RANBP2: variants seen among roughly 807,000 people sequenced by gnomAD.
RANBP2 encodes the protein E3 SUMO-protein ligase RanBP2.
In RANBP2, 57 loss-of-function variants were observed where a neutral mutation model predicts 303.6. The ratio of observed to expected loss-of-function variants is 0.19; its 90% CI spans 0.15 to 0.23. The LOEUF is 0.23. Among genes scored for constraint, RANBP2 ranks in the 10% least tolerant of loss-of-function variants. The pLI is 1.00. For synonymous variants in RANBP2, 1,167 were observed against 1,301.5 expected (o/e 0.90, Z 2.23); for missense variants, 3,138 against 3,780.8 (o/e 0.83, Z 4.46).
At chr2:108,880,050 CATG>C in the RANBP2 span, among the ~76,000 whole-genome samples, 5 of 151,964 alleles carry the variant, frequency 3.3e-5, no homozygotes, top group African/African-American at 1.2e-4. Flanking sequence ...GGAGGCCAGA[CATG>C]ATAAGAAACA....
At chr2:109,602,891 G>C in the RANBP2 span, among the ~76,000 whole-genome samples, 6 of 132,308 alleles carry the variant, frequency 4.5e-5, no homozygotes, top group African/African-American at 1.8e-4. Flanking sequence ...AACATAGGCA[G>C]ACCCTGTCTC....
chr2:108,811,245 C>CTTTTTTTTTTTT, the RANBP2 span, among the ~76,000 whole-genome samples: 99 of 109,604 alleles, frequency 9.0e-4, 19 homozygotes, highest in African/African-American at 2.6e-3. Flanking sequence ...CTTTCTCTCT[C>CTTTTTTTTTTTT]TCTTTTTTTT....
the RANBP2 span, among the ~76,000 whole-genome samples, chr2:109,352,409 G>A: frequency 1.3e-5 from 2 of 152,180 alleles, no homozygotes; most frequent in Non-Finnish European, 2.9e-5. Context: ...TGGGGGTAGC[G>A]GAGCTGAGCC....
the RANBP2 span, among the ~76,000 whole-genome samples, chr2:109,096,499 T>C: frequency 6.6e-6 from 1 of 152,184 alleles, no homozygotes; most frequent in Non-Finnish European, 1.5e-5. Context: ...CCCATTTTGG[T>C]CCTCTTGAGA....
At chr2:109,680,117 A>G in the RANBP2 span, among the ~76,000 whole-genome samples, 3 of 151,718 alleles carry the variant, frequency 2.0e-5, no homozygotes, top group East Asian at 3.9e-4. Context: ...AGGCTGAGGC[A>G]GGCAGATCAC....
At chr2:109,139,333 A>C in the RANBP2 span, among the ~76,000 whole-genome samples, 4 of 151,850 alleles carry the variant, frequency 2.6e-5, no homozygotes, top group African/African-American at 9.7e-5. Flanking sequence ...TACTGAGTTC[A>C]TGATGCCCAT....
the RANBP2 span, chr2:109,490,983 T>C: frequency 7.1e-7 from 1 of 1,399,532 alleles, no homozygotes; most frequent in South Asian, 1.7e-5. Flanking sequence ...TGGTTTGGCC[T>C]CTGAGGTCTG....
intron 15 of RANBP2, among the ~76,000 whole-genome samples, chr2:108,754,636 G>A (rs529217597): frequency 1.4e-4 from 21 of 151,524 alleles, no homozygotes; most frequent in African/African-American, 4.1e-4. Flanking sequence ...GAAAGAGCAT[G>A]GACTTTAGAA....
At chr2:109,255,832 C>T in the RANBP2 span, among the ~76,000 whole-genome samples, 7 of 152,140 alleles carry the variant, frequency 4.6e-5, no homozygotes, top group Non-Finnish European at 7.3e-5. Flanking sequence ...TTTAATAGGC[C>T]GAGTTTTCAG....
the RANBP2 span, among the ~76,000 whole-genome samples, chr2:109,055,097 G>A: frequency 6.6e-6 from 1 of 152,022 alleles, no homozygotes; most frequent in Non-Finnish European, 1.5e-5. Context: ...CTCTGTGTAG[G>A]CATGTGGTAG....
the RANBP2 span, among the ~76,000 whole-genome samples, chr2:109,400,639 C>T: frequency 3.0e-4 from 45 of 152,252 alleles, no homozygotes; most frequent in Admixed American, 2.2e-3. Context: ...CACATACACC[C>T]GTGCACACAT....
At chr2:108,920,754 C>G in the RANBP2 span, among the ~76,000 whole-genome samples, 2 of 152,202 alleles carry the variant, frequency 1.3e-5, no homozygotes, top group Non-Finnish European at 2.9e-5. Context: ...TTCATTTCTC[C>G]TCAGGGTTAT....
chr2:109,068,615 A>C, the RANBP2 span, among the ~76,000 whole-genome samples: 1 of 152,176 alleles, frequency 6.6e-6, no homozygotes, highest in Non-Finnish European at 1.5e-5. Flanking sequence ...TTTTCAGGAA[A>C]GTCTCTGCTT....
At chr2:109,315,752 T>C in the RANBP2 span, among the ~76,000 whole-genome samples, 181 of 152,334 alleles carry the variant, frequency 1.2e-3, no homozygotes, top group African/African-American at 4.1e-3. Context: ...CTGGCTATTG[T>C]GACATTTAGA....
At chr2:108,995,983 A>G in the RANBP2 span, among the ~76,000 whole-genome samples, 92 of 152,370 alleles carry the variant, frequency 6.0e-4, no homozygotes, top group African/African-American at 2.1e-3. Flanking sequence ...GTTTCTCATT[A>G]TGAAAAATTG....
chr2:108,897,337 T>G, the RANBP2 span: 4 of 1,105,304 alleles, frequency 3.6e-6, no homozygotes, highest in African/African-American at 6.2e-5. Context: ...AAAATTTTTT[T>G]AAAATTATAA....
chr2:109,709,886 G>T, the RANBP2 span, among the ~76,000 whole-genome samples: 5 of 152,210 alleles, frequency 3.3e-5, no homozygotes, highest in Admixed American at 3.3e-4. Context: ...TCCAGAGTTT[G>T]AGTCCAGCCT....
chr2:108,835,418 A>G, the RANBP2 span, among the ~76,000 whole-genome samples: 1 of 152,222 alleles, frequency 6.6e-6, no homozygotes, highest in Non-Finnish European at 1.5e-5. Context: ...CTCTATTTCT[A>G]ATAAAAAAAT....
the RANBP2 span, among the ~76,000 whole-genome samples, chr2:109,413,861 G>A: frequency 2.1e-3 from 318 of 152,336 alleles, 1 homozygote; most frequent in African/African-American, 7.4e-3. Context: ...GCACACTGGG[G>A]TCTTCCGCAT....
Sources: allele counts gnomAD v4.1 joint callset (sites outside exome capture counted in the v4.1 genomes callset), GRCh38; gene constraint gnomAD v4.1.1; transcripts MANE v1.5; gene names NCBI Gene and HGNC (gene_info 2026-07-23, HGNC 2026-07-21).